The following STXBP5 variants were observed in gnomAD, a reference collection of about 807,000 sequenced individuals.
STXBP5 encodes syntaxin binding protein 5.
Under a neutral mutation model 152.4 loss-of-function variants are expected in STXBP5, and 50 were observed. That is an observed-to-expected ratio of 0.33 (90% CI 0.26 to 0.42). The LOEUF (loss-of-function observed/expected upper bound fraction) is 0.42, where lower values mean the gene tolerates loss of function less well. Ranked by LOEUF, STXBP5 falls within the 10% of genes least tolerant of loss-of-function variation. The pLI, the probability that STXBP5 is intolerant of heterozygous loss-of-function variation, is 1.00. For synonymous variants in STXBP5, 492 were observed against 494.7 expected (o/e 0.99, Z 0.07); for missense variants, 1,167 against 1,388.6 (o/e 0.84, Z 2.54).
chr6:147,374,019 A>G (rs1052171546), intron 26 of STXBP5, among the ~76,000 whole-genome samples, 177 bp downstream of exon 26: 3 of 152,222 alleles, frequency 2.0e-5, no homozygotes, highest in Non-Finnish European at 4.4e-5. Flanking sequence ...AATCAGGGAA[A>G]TACTTTACTC....
chr6:147,304,363 C>T (rs1457386591), intron 9 of STXBP5, among the ~76,000 whole-genome samples: 2 of 152,268 alleles, frequency 1.3e-5, no homozygotes, highest in South Asian at 4.1e-4. Flanking sequence ...TCTGCAAATA[C>T]TCAAAAGTCG....
At chr6:147,265,117 T>C (rs994401930) in intron 6 of STXBP5, among the ~76,000 whole-genome samples, 16 of 152,094 alleles carry the variant, frequency 1.1e-4, no homozygotes, top group African/African-American at 3.6e-4. Flanking sequence ...GTCCAAGATA[T>C]TTGAAAAGAC....
intron 4 of STXBP5, among the ~76,000 whole-genome samples, chr6:147,241,869 T>C: frequency 6.6e-6 from 1 of 152,194 alleles, no homozygotes; most frequent in Admixed American, 6.5e-5. Context: ...CACATATAAT[T>C]GTGTACAGTA....
chr6:147,206,781 T>G (rs990591715), intron 2 of STXBP5, among the ~76,000 whole-genome samples: 1 of 152,172 alleles, frequency 6.6e-6, no homozygotes, highest in Admixed American at 6.5e-5. Context: ...TATCAAGCAT[T>G]TTTTTAAATA....
chr6:147,344,995 C>T lies in STXBP5; in HGVS notation c.2254+5611C>T, dbSNP rs928781948. On this transcript the variant is annotated intron_variant, in intron 21 of 27. Coordinates refer to ENST00000321680, the MANE Select transcript of STXBP5 (RefSeq NM_001127715.4). ...AGAACTTGGTATAGTCAAGTGTTTA[C>T]TAGACAAGTACTCATATCTTTAAAG... Among the ~76,000 whole-genome samples, 10 of 152,156 alleles carry T rather than the reference C, an allele frequency of 6.6e-5. No homozygotes were observed. In the East Asian group the frequency reaches 1.9e-3, roughly 29 times the overall value.
At chr6:147,369,854 C>A (rs929209030) in intron 25 of STXBP5, among the ~76,000 whole-genome samples, 27 of 152,014 alleles carry the variant, frequency 1.8e-4, no homozygotes, top group Non-Finnish European at 4.4e-5. Context: ...ACTATAACCA[C>A]TTTGGAAAAC....
intron 2 of STXBP5, among the ~76,000 whole-genome samples, chr6:147,217,190 T>TAAA: frequency 6.6e-6 from 1 of 152,330 alleles, no homozygotes; most frequent in African/African-American, 2.4e-5. Flanking sequence ...CCTTTGTGCG[T>TAAA]TTGTCTCTTT....
At chr6:147,248,777 A>G (rs1778945616) in intron 4 of STXBP5, among the ~76,000 whole-genome samples, 1 of 152,220 alleles carries the variant, frequency 6.6e-6, no homozygotes. Context: ...ACATTTTGCC[A>G]GATGTATTTC....
At chr6:147,369,139 A>G (rs1562273290) in intron 25 of STXBP5, among the ~76,000 whole-genome samples, 1 of 152,056 alleles carries the variant, frequency 6.6e-6, no homozygotes, top group Non-Finnish European at 1.5e-5. Flanking sequence ...AGATGAATGG[A>G]TCAGAATAGA....
intron 2 of STXBP5, among the ~76,000 whole-genome samples, chr6:147,227,693 T>C (rs2115126657): frequency 6.6e-6 from 1 of 152,330 alleles, no homozygotes; most frequent in South Asian, 2.1e-4. Context: ...TTTCCATGTT[T>C]GTTTCCTTTT....
At chr6:147,325,125 A>G (rs894380299) in intron 17 of STXBP5, 41 bp downstream of exon 17, 2 of 1,382,506 alleles carry the variant, frequency 1.4e-6, no homozygotes, top group Admixed American at 2.7e-5. Flanking sequence ...TCTTCATAGT[A>G]TTCCATATGT....
At chr6:147,323,848 G>A (rs551870692) in intron 16 of STXBP5, among the ~76,000 whole-genome samples, 17 of 152,314 alleles carry the variant, frequency 1.1e-4, no homozygotes, top group Admixed American at 9.8e-4. Context: ...AACAGAATCA[G>A]TACTCAAAGT....
At chr6:147,249,764 G>A (rs901124683) in intron 4 of STXBP5, among the ~76,000 whole-genome samples, 1 of 152,152 alleles carries the variant, frequency 6.6e-6, no homozygotes, top group African/African-American at 2.4e-5. Context: ...GAGTGCAGCT[G>A]TATAATTTTT....
Position 147,384,836 on chromosome 6 carries a change from G to GTT in STXBP5, c.*82_*83dup. 1.5e-6 allele frequency: 2 copies of GTT among 1,369,814 alleles called. No homozygotes were observed. Among genetic ancestry groups the GTT allele is most frequent in the East Asian group, 4.6e-5 (2 of 43,590 alleles). 84.9% of individuals were successfully genotyped at this position (1,369,814 alleles called of 1,614,324 possible). On this transcript the variant is annotated 3_prime_UTR_variant, in exon 28 of 28. Transcript: ENST00000321680. The stretch of plus-strand genomic sequence containing the variant: ...TATTACATTCTTTAGGAAAGTTAAC[G>GTT]TTAAAGGGATGTTCGTCACTGAATA...
At chr6:147,330,369 G>A (rs972214577) in intron 18 of STXBP5, among the ~76,000 whole-genome samples, 12 of 152,018 alleles carry the variant, frequency 7.9e-5, no homozygotes, top group East Asian at 1.9e-4. Context: ...AAGAAGAATC[G>A]TTTTTTCTCT....
intron 9 of STXBP5, among the ~76,000 whole-genome samples, chr6:147,296,056 T>C (rs2128356861): frequency 6.6e-6 from 1 of 151,924 alleles, no homozygotes; most frequent in East Asian, 1.9e-4. Flanking sequence ...TACAGCATGC[T>C]ACCCCCCAAA....
At chr6:147,365,871 G>T (rs1785267535) in intron 25 of STXBP5, among the ~76,000 whole-genome samples, 1 of 152,132 alleles carries the variant, frequency 6.6e-6, no homozygotes, top group Admixed American at 6.5e-5. Flanking sequence ...GGAGTTTCCA[G>T]TCAAGATGGA....
At chr6:147,214,033 T>C (rs1490902384) in intron 2 of STXBP5, among the ~76,000 whole-genome samples, 1 of 152,178 alleles carries the variant, frequency 6.6e-6, no homozygotes. Context: ...CTTGATACAT[T>C]TCTCTTCCCT....
At chr6:147,323,431 G>T (rs1225493036) in intron 16 of STXBP5, among the ~76,000 whole-genome samples, 1 of 149,906 alleles carries the variant, frequency 6.7e-6, no homozygotes, top group African/African-American at 2.5e-5. Context: ...TCACTCTGTC[G>T]CCCAGGCTGG....
Sources: gnomAD v4.1 joint callset for allele counts (sites outside exome capture counted in the v4.1 genomes callset) on GRCh38, gnomAD v4.1.1 for gene constraint, MANE v1.5 for transcripts, NCBI Gene and HGNC (gene_info 2026-07-23, HGNC 2026-07-21) for gene names.